Variants in SV2C observed in about 807,000 individuals in gnomAD.
SV2C encodes solute carrier family 22 member B3.
SV2C carries 49 observed loss-of-function variants against 79.7 expected under a neutral mutation model. The observed-to-expected ratio is 0.61, with a 90% confidence interval of 0.49 to 0.78. The LOEUF is 0.78. Ranked by LOEUF, SV2C falls within the 30% of genes least tolerant of loss-of-function variation. The pLI is 0.00. For synonymous variants in SV2C, 334 were observed against 333.2 expected (o/e 1.00, Z -0.03); for missense variants, 833 against 912.9 (o/e 0.91, Z 1.13).
chr5:76,031,283 TGCC>T, the SV2C span, among the ~76,000 whole-genome samples: 2 of 152,228 alleles, frequency 1.3e-5, no homozygotes, highest in African/African-American at 4.8e-5. Context: ...ACACACCTGA[TGCC>T]AGTGCTTTCC....
the SV2C span, among the ~76,000 whole-genome samples, chr5:75,995,630 T>C: frequency 1.3e-5 from 2 of 152,156 alleles, no homozygotes; most frequent in African/African-American, 4.8e-5. Context: ...TCACTCTCTG[T>C]GTAACCTTTA....
intron 1 of SV2C, among the ~76,000 whole-genome samples, chr5:76,126,357 G>A (rs1439422630): frequency 1.3e-5 from 2 of 152,206 alleles, no homozygotes; most frequent in Non-Finnish European, 2.9e-5. Context: ...AGGGCAAGAG[G>A]TGTCTCTAAA....
the SV2C span, among the ~76,000 whole-genome samples, chr5:75,861,008 T>C: frequency 6.6e-6 from 1 of 152,168 alleles, no homozygotes; most frequent in Admixed American, 6.5e-5. Context: ...GGAAACACTA[T>C]TCTGGACATT....
chr5:76,099,566 C>CAT lies in SV2C; in HGVS notation c.-102+16057_-102+16058dup, dbSNP rs540841622. Among the ~76,000 whole-genome samples the CAT allele has an allele frequency of 3.0e-4, 45 of 152,246 alleles. No individual in the cohort carries two copies. The South Asian group carries it at 5.0e-3, about 17-fold the overall frequency. On this transcript the variant is annotated intron_variant, in intron 1 of 12. Transcript: ENST00000502798. Reference sequence around the variant, plus strand: ...AACCACTGATTTTTAGTCTGGCTGACATATGACAACACAGAATTCTCTTTC... The same window carrying CAT: ...AACCACTGATTTTTAGTCTGGCTGACATATATGACAACACAGAATTCTCTTTC...
At chr5:75,900,546 A>T in the SV2C span, among the ~76,000 whole-genome samples, 1 of 151,934 alleles carries the variant, frequency 6.6e-6, no homozygotes, top group Non-Finnish European at 1.5e-5. Context: ...TGTGTCTTGG[A>T]GTTGCTCTTC....
the SV2C span, among the ~76,000 whole-genome samples, chr5:76,049,011 GAA>G: frequency 3.4e-3 from 302 of 89,274 alleles, 6 homozygotes; most frequent in South Asian, 0.012. Context: ...AAGAAAGAAA[GAA>G]AGAAAGAAAG....
At chr5:75,886,375 C>T in the SV2C span, among the ~76,000 whole-genome samples, 2 of 152,192 alleles carry the variant, frequency 1.3e-5, no homozygotes, top group Non-Finnish European at 2.9e-5. Flanking sequence ...AAGTGGCACA[C>T]TGCCTTCCCC....
chr5:76,145,079 G>C (rs1749377161), intron 2 of SV2C, among the ~76,000 whole-genome samples: 2 of 152,198 alleles, frequency 1.3e-5, no homozygotes, highest in Non-Finnish European at 2.9e-5. Context: ...ACTGGGAGGG[G>C]CCCATGCAAT....
At chr5:76,196,313 G>A (rs912747761) in intron 3 of SV2C, among the ~76,000 whole-genome samples, 3 of 152,160 alleles carry the variant, frequency 2.0e-5, no homozygotes, top group Admixed American at 2.0e-4. Context: ...CAAGATGGCT[G>A]GAGAGTTTGG....
chr5:76,149,533 G>C (rs941477501), intron 2 of SV2C, among the ~76,000 whole-genome samples: 1 of 152,198 alleles, frequency 6.6e-6, no homozygotes, highest in African/African-American at 2.4e-5. Context: ...TTGTGATAAT[G>C]AAGATTATAA....
At chr5:75,973,183 G>T in the SV2C span, among the ~76,000 whole-genome samples, 9 of 151,920 alleles carry the variant, frequency 5.9e-5, no homozygotes, top group African/African-American at 2.2e-4. Context: ...TTGTGGGGTG[G>T]GGAAGGGGGG....
chr5:75,928,547 T>G, the SV2C span, among the ~76,000 whole-genome samples: 1 of 152,200 alleles, frequency 6.6e-6, no homozygotes. Context: ...GAATTTTGGA[T>G]GCAGATGCAT....
chr5:75,922,973 T>G, the SV2C span, among the ~76,000 whole-genome samples: 1 of 152,128 alleles, frequency 6.6e-6, no homozygotes, highest in Non-Finnish European at 1.5e-5. Context: ...ATCCCCATTT[T>G]ACAGATGAGG....
intron 4 of SV2C, among the ~76,000 whole-genome samples, chr5:76,222,149 A>G (rs1467650420): frequency 6.6e-6 from 1 of 152,196 alleles, no homozygotes; most frequent in Non-Finnish European, 1.5e-5. Flanking sequence ...TACACCTAAC[A>G]TATCACTCCT....
chr5:76,313,833 A>G (rs2112548760), intron 12 of SV2C, among the ~76,000 whole-genome samples: 1 of 152,332 alleles, frequency 6.6e-6, no homozygotes, highest in Middle Eastern at 3.4e-3. Flanking sequence ...TATACAGAAC[A>G]GCACTCACAT....
chr5:76,241,865 C>G (rs771670555), intron 4 of SV2C, among the ~76,000 whole-genome samples: 3 of 151,936 alleles, frequency 2.0e-5, no homozygotes, highest in Admixed American at 6.5e-5. Flanking sequence ...CCCCTTCCCC[C>G]AAAAACAACA....
intron 2 of SV2C, chr5:76,171,016 T>G (rs1561247259): frequency 5.2e-6 from 1 of 192,420 alleles, no homozygotes; most frequent in Non-Finnish European, 9.5e-6. Flanking sequence ...CGGAGCTGTC[T>G]CAGTCTTTGC....
At chr5:76,252,671 G>A (rs1014327316) in intron 4 of SV2C, among the ~76,000 whole-genome samples, 3 of 152,158 alleles carry the variant, frequency 2.0e-5, no homozygotes, top group Non-Finnish European at 2.9e-5. Context: ...AGGTGGTTTC[G>A]AATATTTTTC....
chr5:76,033,956 T>G, the SV2C span, among the ~76,000 whole-genome samples: 1 of 152,154 alleles, frequency 6.6e-6, no homozygotes, highest in Admixed American at 6.5e-5. Context: ...CTTGAAGAGG[T>G]CCTTCCCATC....
Sources: allele counts gnomAD v4.1 joint callset (sites outside exome capture counted in the v4.1 genomes callset), GRCh38; gene constraint gnomAD v4.1.1; transcripts MANE v1.5; gene names NCBI Gene and HGNC (gene_info 2026-07-23, HGNC 2026-07-21).